Variants in SERPINA11 observed in about 807,000 individuals in gnomAD.
SERPINA11 encodes serpin family A member 11.
In SERPINA11, 28 loss-of-function variants were observed where a neutral mutation model predicts 29.4. The observed-to-expected ratio is 0.95, with a 90% CI of 0.70 to 1.30. The LOEUF is 1.30. Ranked by LOEUF, SERPINA11 falls within the 50% of genes most tolerant of loss-of-function variation. The pLI, the probability that SERPINA11 is intolerant of heterozygous loss-of-function variation, is 0.00. For synonymous variants in SERPINA11, 253 were observed against 206.6 expected, an observed-to-expected ratio of 1.22 and a Z score of -1.92; for missense variants, 530 against 507.3, an observed-to-expected ratio of 1.04 and a Z score of -0.43.
rs752106331 is a variant in SERPINA11, at chr14:94,448,185, G to A, written c.590C>T (p.Pro197Leu). ...CATGAACGTGTCCTGGCTGAACTCCGGGAGGCAGTCCACGACTTGCCCGTA... is the reference window on the plus strand; with the variant it reads ...CATGAACGTGTCCTGGCTGAACTCCAGGAGGCAGTCCACGACTTGCCCGTA... ...QTYGQVVDCL[P>L]EFSQDTFMVL... Residue 197 changes from proline to leucine, a missense_variant, in exon 2 of 5, where the codon CCG becomes CTG. Transcript: ENST00000334708. The A allele has an allele frequency of 3.7e-6, 6 of 1,614,146 alleles. No individual in the cohort carries two copies. The highest frequency in any genetic ancestry group is 1.7e-5 in the Admixed American group (1 of 60,028).
chr14:94,448,682 C>T lies in SERPINA11; in HGVS notation c.93G>A (p.Gln31=), dbSNP rs1372908128. The change falls in exon 2 of 5, where the codon CAG becomes CAA. Residue 31 remains glutamine, a synonymous_variant. Transcript: ENST00000334708. The part of the protein sequence containing the change: ...PLLAHGDKSL[Q]GPQPPRHQLS... ...GCTGATGCCTGGGGGGTTGAGGCCC[C>T]TGCAGACTTTTATCTCCATGGGCAA... The T allele has an allele frequency of 6.4e-7, 1 of 1,556,066 alleles. No individual in the cohort carries two copies. Among genetic ancestry groups the T allele is most frequent in the Admixed American group, 1.9e-5 (1 of 51,536 alleles).
In SERPINA11 at chr14:94,442,499, G is replaced by T; in HGVS notation, c.*107C>A. 2 of 754,754 alleles carry T rather than the reference G, an allele frequency of 2.6e-6. No homozygotes were observed. The highest frequency in any genetic ancestry group is 4.3e-6 in the Non-Finnish European group (2 of 465,020). 46.8% of individuals were successfully genotyped at this position (754,754 alleles called of 1,614,324 possible). Reference sequence around the variant, plus strand: ...CCAAGGTCAACTTTATTAGAATCTTGGCACACTGATTAACTGAACCACATA... The same window carrying T: ...CCAAGGTCAACTTTATTAGAATCTTTGCACACTGATTAACTGAACCACATA... On this transcript the variant is annotated 3_prime_UTR_variant, in exon 5 of 5. Transcript: ENST00000334708.
In SERPINA11 at chr14:94,448,208, G is replaced by C. The variant is rs146841701; in HGVS notation, c.567C>G (p.Tyr189Ter). The C allele has an allele frequency of 6.2e-7, 1 of 1,614,222 alleles. No individual in the cohort carries two copies. The highest frequency in any genetic ancestry group is 1.1e-5 in the South Asian group (1 of 91,084). Reference sequence around the variant, plus strand: ...CCGGGAGGCAGTCCACGACTTGCCCGTATGTTTGCCTTCTCAAATAGTCAT... The same window carrying C: ...CCGGGAGGCAGTCCACGACTTGCCCCTATGTTTGCCTTCTCAAATAGTCAT... ...QINDYLRRQT[Y>*]GQVVDCLPEF... The change falls in exon 2 of 5, where the codon TAC becomes TAG. Residue 189 changes from tyrosine to a stop codon, truncating the protein, a stop_gained. Coordinates refer to ENST00000334708, the MANE Select transcript of SERPINA11 (RefSeq NM_001080451.2). LOFTEE classifies it high-confidence loss of function.
At chr14:94,450,075 G>C (rs1898559454) in intron 1 of SERPINA11, among the ~76,000 whole-genome samples, 1 of 152,122 alleles carries the variant, frequency 6.6e-6, no homozygotes, top group African/African-American at 2.4e-5. Context: ...GGAGCCTAGA[G>C]GAGCGATGAG....
chr14:94,445,193 A>G (rs1449025753), intron 3 of SERPINA11, among the ~76,000 whole-genome samples: 1 of 152,168 alleles, frequency 6.6e-6, no homozygotes, highest in Non-Finnish European at 1.5e-5. Context: ...GCTGCCACCT[A>G]CTCCAACACA....
Position 94,448,374 on chromosome 14 carries a change from TC to T in SERPINA11, c.400del (p.Glu134AsnfsTer2), listed in dbSNP as rs1898488531. The T allele has an allele frequency of 6.2e-7, 1 of 1,614,088 alleles. No homozygotes were observed. Among genetic ancestry groups the T allele is most frequent in the Non-Finnish European group, 8.5e-7 (1 of 1,180,052 alleles). ...HTLALPSPKL[E>X]LKVGNSLFLD... is the part of the protein sequence containing the mutation. Reference sequence around the variant, plus strand: ...GAACAGGGAGTTTCCTACTTTTAGTTCGAGTTTGGGGCTGGGCAGGGCAAGG... The same window carrying T: ...GAACAGGGAGTTTCCTACTTTTAGTTGAGTTTGGGGCTGGGCAGGGCAAGG... On this transcript the variant is annotated frameshift_variant, in exon 2 of 5. Transcript: ENST00000334708. LOFTEE classifies it high-confidence loss of function.
In SERPINA11 at chr14:94,448,343, G is replaced by T; in HGVS notation, c.432C>A (p.Asp144Glu). The T allele has an allele frequency of 6.2e-7, 1 of 1,614,248 alleles. No homozygotes were observed. The highest frequency in any genetic ancestry group is 1.1e-5 in the South Asian group (1 of 91,090). The change falls in exon 2 of 5, where the codon GAC becomes GAA. Residue 144 changes from aspartate to glutamate, a missense_variant. Asp to Glu is a conservative substitution (Grantham distance 45). Transcript: ENST00000334708. ...AGTGCTGCCGAGGCTTTAGTCGCTT[G>T]TCTAGGAACAGGGAGTTTCCTACTT... is the stretch of plus-strand genomic sequence containing the variant. ...ELKVGNSLFLDKRLKPRQHYL... is the reference protein window; with the variant it reads ...ELKVGNSLFLEKRLKPRQHYL...
chr14:94,446,322 G>GA lies in SERPINA11; in HGVS notation c.917+8dup. ...AGGTCAGCCAGCATCCTTCTGCTGT[G>GA]ACACTTACCTGGGCAGGAGCAATTG... On this transcript the variant is annotated intron_variant, in intron 3 of 4. Transcript: ENST00000334708. The GA allele has an allele frequency of 6.2e-7, 1 of 1,609,854 alleles. No individual in the cohort carries two copies. Among genetic ancestry groups the GA allele is most frequent in the Non-Finnish European group, 8.5e-7 (1 of 1,178,758 alleles).
chr14:94,452,642 CACACACAG>C (rs1898609435), intron 1 of SERPINA11, 79 bp downstream of exon 1: 1 of 141,834 alleles, frequency 7.1e-6, no homozygotes, highest in African/African-American at 2.7e-5. Context: ...CACACACACA[CACACACAG>C]AGACAGAGAG....
In SERPINA11 at chr14:94,448,476, A is replaced by G; in HGVS notation, c.299T>C (p.Leu100Pro). The change falls in exon 2 of 5, where the codon CTG becomes CCG. Residue 100 changes from leucine to proline, a missense_variant. Leu to Pro is a moderately conservative substitution (Grantham distance 98, BLOSUM62 -3). Transcript: ENST00000334708. ...GAQANTSALILEGLGFNLTET... is the reference protein window; with the variant it reads ...GAQANTSALIPEGLGFNLTET... ...TGTGAGGTTGAATCCCAGGCCCTCC[A>G]GGATCAGAGCTGAGGTGTTAGCTTG... 6.2e-7 allele frequency: 1 copy of G among 1,614,218 alleles called. No individual in the cohort carries two copies. The highest frequency in any genetic ancestry group is 8.5e-7 in the Non-Finnish European group (1 of 1,180,040).
At position 94,452,771 on chromosome 14, in the gene SERPINA11, A is replaced by C. The variant is rs1898613714; in HGVS notation, c.-46T>G. ...CAGGGGCCCAGGTCTTCAGCACTGC[A>C]TCACCTCTACCCACAGGAAAATGGT... On this transcript the variant is annotated 5_prime_UTR_variant, in exon 1 of 5. It removes an upstream start codon present in the reference 5' UTR. Coordinates refer to ENST00000334708, the MANE Select transcript of SERPINA11 (RefSeq NM_001080451.2). 3 of 152,360 alleles carry C rather than the reference A, an allele frequency of 2.0e-5. No individual in the cohort carries two copies. 9.4% of individuals were successfully genotyped at this position (152,360 alleles called of 1,614,324 possible).
intron 1 of SERPINA11, among the ~76,000 whole-genome samples, chr14:94,451,098 A>ATAATTTTTTGTGC (rs1180666836): frequency 2.6e-5 from 4 of 152,162 alleles, no homozygotes; most frequent in African/African-American, 9.7e-5. Context: ...TTGTGTCTTA[A>ATAATTTTTTGTGC]CTGGCACCTT....
intron 1 of SERPINA11, among the ~76,000 whole-genome samples, chr14:94,452,049 G>A (rs1898595541): frequency 6.6e-6 from 1 of 152,184 alleles, no homozygotes; most frequent in East Asian, 1.9e-4. Flanking sequence ...GTGACATTTT[G>A]GATCAGCTCA....
chr14:94,446,423 C>T lies in SERPINA11; in HGVS notation c.825G>A (p.Leu275=). The T allele has an allele frequency of 6.2e-7, 1 of 1,614,168 alleles. No homozygotes were observed. Among genetic ancestry groups the T allele is most frequent in the Non-Finnish European group, 8.5e-7 (1 of 1,180,012 alleles). The change falls in exon 3 of 5, where the codon CTG becomes CTA. Residue 275 remains leucine (L), a synonymous_variant. Coordinates refer to ENST00000334708, the MANE Select transcript of SERPINA11 (RefSeq NM_001080451.2). ...QIEYRGNALA[L]LVLPDPGKMK... is the part of the protein sequence containing the mutation. ...TTTTCCCCGGGTCAGGGAGGACCAG[C>T]AGCGCCAAGGCATTTCCTCTGTATT...
chr14:94,443,537 G>T (rs751397166), intron 3 of SERPINA11, among the ~76,000 whole-genome samples: 3 of 152,124 alleles, frequency 2.0e-5, no homozygotes, highest in Non-Finnish European at 2.9e-5. Flanking sequence ...TTTTTTCAAG[G>T]CTGAACTGAT....
Position 94,448,268 on chromosome 14 carries a change from G to A in SERPINA11, c.507C>T (p.Asn169=). 1.2e-6 allele frequency: 2 copies of A among 1,614,260 alleles called. No individual in the cohort carries two copies. Among genetic ancestry groups the A allele is most frequent in the Non-Finnish European group, 1.7e-6 (2 of 1,180,054 alleles). ...TCCCAGTTGTAACAGAATCTGTGAA[G>A]TTGGCAGAAAAAGCAAAAGCTCCAT... ...ELYGAFAFSA[N]FTDSVTTGRQ... is the part of the protein sequence containing the mutation. The change falls in exon 2 of 5, where the codon AAC becomes AAT. Residue 169 remains asparagine, a synonymous_variant. Coordinates refer to ENST00000334708, the MANE Select transcript of SERPINA11 (RefSeq NM_001080451.2).
intron 4 of SERPINA11, 85 bp from the exon 5 acceptor site, chr14:94,442,894 G>T: frequency 7.5e-7 from 1 of 1,338,976 alleles, no homozygotes; most frequent in East Asian, 2.3e-5. Context: ...AAGAATAGAA[G>T]GGACCTAAGG....
intron 3 of SERPINA11, 131 bp downstream of exon 3, chr14:94,446,200 C>G: frequency 1.1e-6 from 1 of 895,856 alleles, no homozygotes; most frequent in Non-Finnish European, 1.7e-6. Flanking sequence ...TTGCCAAGAT[C>G]ACACAGTTAG....
intron 1 of SERPINA11, 131 bp downstream of exon 1, chr14:94,452,598 A>ACACACACACACACAC (rs1898606797): frequency 8.3e-6 from 1 of 120,098 alleles, no homozygotes; most frequent in African/African-American, 3.2e-5. Context: ...CAAAGCCAGG[A>ACACACACACACACAC]ACACACACAC....
Sources: allele counts gnomAD v4.1 joint callset (sites outside exome capture counted in the v4.1 genomes callset), GRCh38; gene constraint gnomAD v4.1.1; transcripts MANE v1.5; gene names NCBI Gene and HGNC (gene_info 2026-07-23, HGNC 2026-07-21).